The following MAN1A1 variants were observed in gnomAD, a reference collection of about 807,000 sequenced individuals.
The protein encoded by MAN1A1 is mannosyl-oligosaccharide 1,2-alpha-mannosidase IA.
In MAN1A1, 29 loss-of-function variants were observed where a neutral mutation model predicts 70.8. The observed-to-expected ratio is 0.41, with a 90% CI of 0.31 to 0.56. The LOEUF (loss-of-function observed/expected upper bound fraction) is 0.56, where lower values mean the gene tolerates loss of function less well. Among genes scored for constraint, MAN1A1 ranks in the 20% least tolerant of loss-of-function variants. MAN1A1 has a pLI of 0.29. For missense variants in MAN1A1, 747 were observed against 841.3 expected (o/e 0.89, Z 1.39); for synonymous variants, 349 against 330.1 (o/e 1.06, Z -0.62).
chr6:119,258,158 G>A (rs1775509911), intron 5 of MAN1A1, among the ~76,000 whole-genome samples: 1 of 152,236 alleles, frequency 6.6e-6, no homozygotes, highest in Non-Finnish European at 1.5e-5. Flanking sequence ...ACATCATAGG[G>A]TTAAAATTGG....
At chr6:119,293,603 T>C (rs1772113643) in intron 4 of MAN1A1, among the ~76,000 whole-genome samples, 1 of 152,142 alleles carries the variant, frequency 6.6e-6, no homozygotes, top group Admixed American at 6.6e-5. Context: ...CATTCGAATT[T>C]CCAACATATA....
At chr6:119,337,201 T>C (rs916302813) in intron 2 of MAN1A1, among the ~76,000 whole-genome samples, 1 of 152,190 alleles carries the variant, frequency 6.6e-6, no homozygotes, top group African/African-American at 2.4e-5. Context: ...GGAAAAGGCA[T>C]TTCCTATATT....
intron 5 of MAN1A1, among the ~76,000 whole-genome samples, chr6:119,282,143 A>C (rs917627557): frequency 1.3e-5 from 2 of 152,210 alleles, no homozygotes; most frequent in African/African-American, 4.8e-5. Flanking sequence ...TCAAGCACTC[A>C]CTTGGCAATG....
At chr6:119,299,980 A>G (rs558830012) in intron 4 of MAN1A1, among the ~76,000 whole-genome samples, 2 of 152,200 alleles carry the variant, frequency 1.3e-5, no homozygotes, top group Non-Finnish European at 2.9e-5. Context: ...ATATTTGAGG[A>G]GGTTTGGGGC....
intron 4 of MAN1A1, among the ~76,000 whole-genome samples, chr6:119,292,374 A>G (rs1021561959): frequency 6.6e-6 from 1 of 151,990 alleles, no homozygotes; most frequent in Non-Finnish European, 1.5e-5. Flanking sequence ...TCTGGCAAAT[A>G]AACTTAGTCA....
In MAN1A1 at chr6:119,178,058, C is replaced by A. The variant is rs1773049934; in HGVS notation, c.*1761G>T. 6.6e-6 allele frequency: 1 copy of A among 152,038 alleles called. No individual in the cohort carries two copies. Among genetic ancestry groups the A allele is most frequent in the Non-Finnish European group, 1.5e-5 (1 of 67,942 alleles). The allele number at this position is 152,038 out of a possible 1,614,324, so 9.4% of individuals were successfully genotyped here. A position where few individuals can be genotyped will look rare whatever the true frequency, so the allele number is the denominator to read the frequency against. The stretch of plus-strand genomic sequence containing the variant: ...GAGAAGTTATTCTGGATCACAGACA[C>A]ACATTAGCATGGAAATAATGATGTA... On this transcript the variant is annotated 3_prime_UTR_variant, in exon 13 of 13. Transcript: ENST00000368468.
chr6:119,226,533 A>G (rs148998860), intron 6 of MAN1A1, among the ~76,000 whole-genome samples: 1 of 152,352 alleles, frequency 6.6e-6, no homozygotes, highest in African/African-American at 2.4e-5. Flanking sequence ...GATATTTTAG[A>G]CACATCTTCC....
chr6:119,243,714 A>T (rs546710162), intron 6 of MAN1A1, among the ~76,000 whole-genome samples: 2 of 152,228 alleles, frequency 1.3e-5, no homozygotes, highest in African/African-American at 4.8e-5. Flanking sequence ...AATAATATAA[A>T]CTGTAATGTA....
At position 119,348,863 on chromosome 6, in the gene MAN1A1, A is replaced by C. The variant is rs1773819309; in HGVS notation, c.203T>G (p.Leu68Arg). The C allele has an allele frequency of 6.5e-7, 1 of 1,527,800 alleles. No homozygotes were observed. The highest frequency in any genetic ancestry group is 8.8e-7 in the Non-Finnish European group (1 of 1,139,322). 94.6% of individuals were successfully genotyped at this position (1,527,800 alleles called of 1,614,324 possible). The stretch of plus-strand genomic sequence containing the variant: ...GGAGTGGAACAGGACCCCGCTGAGC[A>C]GCTTGGAGGAGTCTGGCAGGAAGAA... ...AIFFLPDSSK[L>R]LSGVLFHSSP... is the part of the protein sequence containing the mutation. The change falls in exon 2 of 13, where the codon CTG (leucine) becomes CGG (arginine). Residue 68 changes from leucine (L) to arginine (R), a missense_variant. Leu to Arg is a moderately radical substitution (Grantham distance 102). This residue lies in a region of MAN1A1 where 328 missense variants were observed against 293.1 expected (regional missense o/e 1.12). Coordinates refer to ENST00000368468, the MANE Select transcript of MAN1A1 (RefSeq NM_005907.4).
At position 119,204,839 on chromosome 6, in the gene MAN1A1, T is replaced by C. The variant is rs1773813972; in HGVS notation, c.1036A>G (p.Ile346Val). 5.0e-6 allele frequency: 8 copies of C among 1,614,002 alleles called. No homozygotes were observed. The highest frequency in any genetic ancestry group is 6.8e-6 in the Non-Finnish European group (8 of 1,179,880). ...NWPWASGGSS[I>V]LAEFGTLHLE... is the part of the protein sequence containing the mutation. ...TGCAGGGTTCCAAATTCTGCCAGAA[T>C]ACTGCTGCCTCCAGAGGCCCAGGGC... The change falls in exon 7 of 13, where the codon ATT (isoleucine) becomes GTT (valine). Residue 346 changes from isoleucine (I) to valine (V), a missense_variant. By Grantham distance (29) the Ile-to-Val change is conservative. This residue lies in a region of MAN1A1 where 419 missense variants were observed against 548.2 expected (regional missense o/e 0.76). Transcript: ENST00000368468.
Position 119,332,849 on chromosome 6 carries a change from C to A in MAN1A1, c.603+15614G>T, listed in dbSNP as rs562875868. On this transcript the variant is annotated intron_variant, in intron 2 of 12. Transcript: ENST00000368468. ...TTATTTTAAATATGAAGGCAAAATT[C>A]TTTTTAAAAGAGAAATATCTAACTT... Among the ~76,000 whole-genome samples, 12 of 132,788 alleles carry A rather than the reference C, an allele frequency of 9.0e-5. No individual in the cohort carries two copies. The South Asian group carries it at 2.3e-3, about 25-fold the overall frequency. The allele number at this position is 132,788 out of a possible 152,430, so 87.1% of individuals were successfully genotyped here. A position where few individuals can be genotyped will look rare whatever the true frequency, so the allele number is the denominator to read the frequency against.
chr6:119,317,533 C>T (rs1377035262), intron 2 of MAN1A1, among the ~76,000 whole-genome samples: 1 of 152,064 alleles, frequency 6.6e-6, no homozygotes, highest in Non-Finnish European at 1.5e-5. Flanking sequence ...TTTAAGGTAC[C>T]TCCATGCCCT....
intron 2 of MAN1A1, among the ~76,000 whole-genome samples, chr6:119,313,297 T>C (rs908519431): frequency 6.6e-6 from 1 of 152,118 alleles, no homozygotes; most frequent in Non-Finnish European, 1.5e-5. Context: ...AAGACAGTCT[T>C]AGGAATGATC....
intron 6 of MAN1A1, among the ~76,000 whole-genome samples, chr6:119,217,135 G>A (rs1007497769): frequency 6.6e-6 from 1 of 152,126 alleles, no homozygotes; most frequent in Non-Finnish European, 1.5e-5. Context: ...ATGGGCATGA[G>A]AATGGTCTAG....
At position 119,322,516 on chromosome 6, in the gene MAN1A1, A is replaced by G. The variant is rs182690051; in HGVS notation, c.604-15524T>C. ...GACCCTCTAGTCACTGGTCCAGAGTACCACAATAAAATGCCACTATGTACA... is the reference window on the plus strand; with the variant it reads ...GACCCTCTAGTCACTGGTCCAGAGTGCCACAATAAAATGCCACTATGTACA... On this transcript the variant is annotated intron_variant, in intron 2 of 12. Coordinates refer to ENST00000368468, the MANE Select transcript of MAN1A1 (RefSeq NM_005907.4). Among the ~76,000 whole-genome samples the G allele has an allele frequency of 2.8e-3, 421 of 152,268 alleles. 1 individual carries two copies. Among genetic ancestry groups the G allele is most frequent in the Non-Finnish European group, 4.1e-3 (278 of 68,026 alleles).
At chr6:119,238,359 T>C (rs895504078) in intron 6 of MAN1A1, among the ~76,000 whole-genome samples, 8 of 152,198 alleles carry the variant, frequency 5.3e-5, no homozygotes, top group Non-Finnish European at 1.0e-4. Flanking sequence ...AATTGACCTT[T>C]GAAATAAACA....
At chr6:119,260,339 T>A (rs1054902089) in intron 5 of MAN1A1, among the ~76,000 whole-genome samples, 15 of 152,216 alleles carry the variant, frequency 9.9e-5, no homozygotes, top group Admixed American at 6.5e-4. Context: ...AGTTCTGGTA[T>A]AATAAGGATA....
chr6:119,285,753 A>G (rs1021383367), intron 5 of MAN1A1, among the ~76,000 whole-genome samples: 9 of 152,138 alleles, frequency 5.9e-5, no homozygotes, highest in Admixed American at 5.9e-4. Flanking sequence ...TTTAGTATTT[A>G]GGCAGGATTT....
intron 5 of MAN1A1, among the ~76,000 whole-genome samples, chr6:119,251,829 A>C (rs1775325320): frequency 1.3e-5 from 2 of 152,200 alleles, no homozygotes; most frequent in Non-Finnish European, 2.9e-5. Context: ...TAATATTCTC[A>C]GTTAACAGAC....
Sources: gnomAD v4.1 joint callset for allele counts (sites outside exome capture counted in the v4.1 genomes callset) on GRCh38, gnomAD v4.1.1 for gene constraint, gnomAD v4.1.1 regional missense constraint, MANE v1.5 for transcripts, NCBI Gene and HGNC (gene_info 2026-07-23, HGNC 2026-07-21) for gene names.